Variants in NDFIP2 observed in about 807,000 individuals in gnomAD.
NDFIP2 encodes Nedd4 family interacting protein 2.
A neutral mutation model predicts 36.0 loss-of-function variants in NDFIP2; 19 were observed. The observed-to-expected ratio is 0.53, with a 90% CI of 0.37 to 0.77. The LOEUF is 0.77. Among genes scored for constraint, NDFIP2 ranks in the 30% least tolerant of loss-of-function variants. The probability of loss-of-function intolerance (pLI) is 0.00; values close to 1 mark genes in which losing one functional copy is unlikely to be tolerated. For missense variants in NDFIP2, 446 were observed against 435.8 expected, an observed-to-expected ratio of 1.02 and a Z score of -0.21; for synonymous variants, 181 against 167.7, an observed-to-expected ratio of 1.08 and a Z score of -0.61.
intron 1 of NDFIP2, among the ~76,000 whole-genome samples, chr13:79,512,388 T>C (rs1280528038): frequency 6.6e-6 from 1 of 152,124 alleles, no homozygotes; most frequent in African/African-American, 2.4e-5. Context: ...ATCAAGCACA[T>C]GGGCTTGCCG....
intron 6 of NDFIP2, among the ~76,000 whole-genome samples, chr13:79,549,730 A>G (rs554172078): frequency 6.6e-6 from 1 of 152,010 alleles, no homozygotes; most frequent in African/African-American, 2.4e-5. Context: ...AAAGGAAGGG[A>G]TCCCACAAAT....
chr13:79,513,190 G>A (rs1039065526), intron 1 of NDFIP2, among the ~76,000 whole-genome samples: 9 of 152,160 alleles, frequency 5.9e-5, no homozygotes, highest in Admixed American at 2.6e-4. Flanking sequence ...TGTAGTTGGG[G>A]TTAGCCTTGG....
rs891790618 is a variant in NDFIP2, at chr13:79,543,511, T to A, written c.716-47T>A. ...TATTATTAATATGTCTATGTTAATT[T>A]GTTTCCAAATTGTGGTTTATAAAAG... On this transcript the variant is annotated intron_variant, in intron 4 of 7. Coordinates refer to ENST00000218652, the MANE Select transcript of NDFIP2 (RefSeq NM_019080.3). 6.2e-6 allele frequency: 10 copies of A among 1,607,054 alleles called. No individual in the cohort carries two copies. In the African/African-American group the frequency reaches 1.2e-4, roughly 19 times the overall value.
intron 1 of NDFIP2, among the ~76,000 whole-genome samples, chr13:79,482,030 A>G (rs2079816646): frequency 6.6e-6 from 1 of 152,040 alleles, no homozygotes; most frequent in Admixed American, 6.5e-5. Flanking sequence ...GAATTGTGGA[A>G]CTGTAGAGAA....
At chr13:79,524,463 C>A (rs1453746661) in intron 2 of NDFIP2, among the ~76,000 whole-genome samples, 1 of 152,158 alleles carries the variant, frequency 6.6e-6, no homozygotes, top group Non-Finnish European at 1.5e-5. Context: ...GATTGCTGAT[C>A]AAATGTGATT....
intron 3 of NDFIP2, 37 bp from the exon 4 acceptor site, chr13:79,539,645 A>C: frequency 6.5e-7 from 1 of 1,538,728 alleles, no homozygotes; most frequent in African/African-American, 1.4e-5. Context: ...TAAAGTTGTA[A>C]TTTTTAGTGA....
At chr13:79,481,604 C>T in intron 1 of NDFIP2, 80 bp downstream of exon 1, 5 of 1,441,018 alleles carry the variant, frequency 3.5e-6, no homozygotes, top group Non-Finnish European at 4.6e-6. Flanking sequence ...AGGTTATTCC[C>T]GGAGGAAAAG....
At chr13:79,489,597 A>C (rs576440340) in intron 1 of NDFIP2, among the ~76,000 whole-genome samples, 5 of 152,348 alleles carry the variant, frequency 3.3e-5, no homozygotes. Context: ...GATAGGGATC[A>C]GCTTAGTCAG....
rs1875964710 is a variant in NDFIP2, at chr13:79,553,011, A to T, written c.*498A>T. 1 of 151,888 alleles carries T rather than the reference A, an allele frequency of 6.6e-6. No individual in the cohort carries two copies. The highest frequency in any genetic ancestry group is 1.5e-5 in the Non-Finnish European group (1 of 67,504). The allele number at this position is 151,888 out of a possible 1,614,324, so 9.4% of individuals were successfully genotyped here. On this transcript the variant is annotated 3_prime_UTR_variant, in exon 8 of 8. Coordinates refer to ENST00000218652, the MANE Select transcript of NDFIP2 (RefSeq NM_019080.3). ...TTATATAAGGTGTATTGAAACCTGC[A>T]GTGCTGATTATTAGAAAGGATTTGT...
chr13:79,483,971 C>G (rs1426398846), intron 1 of NDFIP2, among the ~76,000 whole-genome samples: 1 of 152,058 alleles, frequency 6.6e-6, no homozygotes, highest in African/African-American at 2.4e-5. Flanking sequence ...CTTGCAGCTG[C>G]TAGACCACAT....
chr13:79,539,682 A>G lies in NDFIP2; in HGVS notation c.622A>G (p.Ile208Val), dbSNP rs1247952208. ...AAAAAETSQRIQEEECPPRDD... is the reference protein window; with the variant it reads ...AAAAAETSQRVQEEECPPRDD... The stretch of plus-strand genomic sequence containing the variant: ...CTATTCCAATGTTACATATTTACAG[A>G]TTCAGGAGGAAGAGTGTCCACCAAG... The change falls in exon 4 of 8, where the codon ATT becomes GTT. Residue 208 changes from isoleucine to valine, a missense_variant and splice_region_variant. Ile to Val is a conservative substitution (Grantham distance 29, BLOSUM62 3). Transcript: ENST00000218652. The G allele has an allele frequency of 2.5e-6, 4 of 1,612,416 alleles. No individual in the cohort carries two copies. The highest frequency in any genetic ancestry group is 3.4e-6 in the Non-Finnish European group (4 of 1,178,626).
intron 1 of NDFIP2, among the ~76,000 whole-genome samples, chr13:79,506,243 C>T (rs1052379256): frequency 5.9e-5 from 9 of 152,060 alleles, no homozygotes; most frequent in African/African-American, 1.9e-4. Context: ...TTACCTATTT[C>T]GTCTATTAAC....
intron 3 of NDFIP2, among the ~76,000 whole-genome samples, chr13:79,536,831 C>G (rs910899841): frequency 6.6e-6 from 1 of 151,718 alleles, no homozygotes; most frequent in Non-Finnish European, 1.5e-5. Flanking sequence ...TGAGACCAGC[C>G]TGGGCAACAC....
intron 2 of NDFIP2, among the ~76,000 whole-genome samples, chr13:79,522,893 T>C (rs1874640340): frequency 6.6e-6 from 1 of 152,222 alleles, no homozygotes; most frequent in South Asian, 2.1e-4. Flanking sequence ...TTAGTCCTTA[T>C]TCAAGAGGAG....
intron 2 of NDFIP2, 33 bp downstream of exon 2, chr13:79,521,008 C>A: frequency 8.2e-7 from 1 of 1,216,862 alleles, no homozygotes; most frequent in South Asian, 1.6e-5. Context: ...TTTATTAGTT[C>A]TTTTTTTTTT....
At chr13:79,516,540 T>G (rs917260972) in intron 1 of NDFIP2, among the ~76,000 whole-genome samples, 6 of 152,174 alleles carry the variant, frequency 3.9e-5, no homozygotes, top group Non-Finnish European at 7.4e-5. Flanking sequence ...TGAGCTAATA[T>G]TTATCTCATT....
intron 7 of NDFIP2, 127 bp downstream of exon 7, chr13:79,551,249 G>T: frequency 2.3e-6 from 1 of 442,614 alleles, no homozygotes; most frequent in East Asian, 3.5e-5. Context: ...TTTTAATACT[G>T]CTAACAGTCA....
chr13:79,486,433 C>A (rs1872992388), intron 1 of NDFIP2, among the ~76,000 whole-genome samples: 1 of 152,148 alleles, frequency 6.6e-6, no homozygotes, highest in Non-Finnish European at 1.5e-5. Flanking sequence ...ATTTTTCGAT[C>A]CTTTCAAAGT....
intron 1 of NDFIP2, among the ~76,000 whole-genome samples, chr13:79,517,425 T>A (rs1305619169): frequency 1.3e-5 from 2 of 152,238 alleles, no homozygotes. Flanking sequence ...CAAGTAGAAT[T>A]GTCTAATTTG....
Sources: allele counts gnomAD v4.1 joint callset (sites outside exome capture counted in the v4.1 genomes callset), GRCh38; gene constraint gnomAD v4.1.1; transcripts MANE v1.5; gene names NCBI Gene and HGNC (gene_info 2026-07-23, HGNC 2026-07-21).